Variants in BUB3 observed in about 807,000 individuals in gnomAD.
BUB3 encodes mitotic checkpoint protein BUB3.
Under a neutral mutation model 39.9 loss-of-function variants are expected in BUB3, and 22 were observed. The observed-to-expected ratio is 0.55, with a 90% CI of 0.39 to 0.79. BUB3 has a LOEUF of 0.79. Ranked by LOEUF, BUB3 falls within the 30% of genes least tolerant of loss-of-function variation. BUB3 has a pLI of 0.00. For synonymous variants in BUB3, 168 were observed against 155.1 expected, an observed-to-expected ratio of 1.08 and a Z score of -0.62; for missense variants, 303 against 415.4, an observed-to-expected ratio of 0.73 and a Z score of 2.35.
Position 123,167,314 on chromosome 10 carries a change from G to C in BUB3, c.*3479G>C, listed in dbSNP as rs1844504836. ...TCTTTCAGGATTTAATTTGAATCCTGCAAAGTCCTGTTCAAGGCCCCCTTT... is the reference window on the plus strand; with the variant it reads ...TCTTTCAGGATTTAATTTGAATCCTCCAAAGTCCTGTTCAAGGCCCCCTTT... On this transcript the variant is annotated 3_prime_UTR_variant, in exon 8 of 8. Transcript: ENST00000368865. The C allele has an allele frequency of 6.6e-6, 1 of 152,146 alleles. No individual in the cohort carries two copies. Among genetic ancestry groups the C allele is most frequent in the African/African-American group, 2.4e-5 (1 of 41,438 alleles). The allele number at this position is 152,146 out of a possible 1,614,324, so 9.4% of individuals were successfully genotyped here. A position where few individuals can be genotyped will look rare whatever the true frequency, so the allele number is the denominator to read the frequency against.
Position 123,167,346 on chromosome 10 carries a change from A to G in BUB3, c.*3511A>G, listed in dbSNP as rs1589693228. 6.6e-6 allele frequency: 1 copy of G among 152,158 alleles called. No individual in the cohort carries two copies. Among genetic ancestry groups the G allele is most frequent in the African/African-American group, 2.4e-5 (1 of 41,430 alleles). The allele number at this position is 152,158 out of a possible 1,614,324, so 9.4% of individuals were successfully genotyped here. A position where few individuals can be genotyped will look rare whatever the true frequency, so the allele number is the denominator to read the frequency against. On this transcript the variant is annotated 3_prime_UTR_variant, in exon 8 of 8. Coordinates refer to ENST00000368865, the MANE Select transcript of BUB3 (RefSeq NM_004725.4). The stretch of plus-strand genomic sequence containing the variant: ...CCTGTTCAAGGCCCCCTTTTCCATG[A>G]AGCCCTTCTTCCTTGTTGCAGCTCA...
chr10:123,159,960 TAGA>T (rs1844399528), intron 4 of BUB3, among the ~76,000 whole-genome samples: 1 of 152,188 alleles, frequency 6.6e-6, no homozygotes, highest in Non-Finnish European at 1.5e-5. Context: ...AAGGTGGTTT[TAGA>T]AAAATAGTTT....
chr10:123,164,219 C>T lies in BUB3; in HGVS notation c.*384C>T. On this transcript the variant is annotated 3_prime_UTR_variant, in exon 8 of 8. Transcript: ENST00000368865. ...ATGGTAGAGGAAAAGGCTCGTGAGC[C>T]ATTTGTTTCTTTTGCTGGTTATAGT... 1 of 994,528 alleles carries T rather than the reference C, an allele frequency of 1.0e-6. No individual in the cohort carries two copies. The highest frequency in any genetic ancestry group is 1.7e-5 in the African/African-American group (1 of 57,614). The allele number at this position is 994,528 out of a possible 1,614,324, so 61.6% of individuals were successfully genotyped here.
chr10:123,160,362 C>G (rs750023700), intron 4 of BUB3, 45 bp from the exon 5 acceptor site: 3 of 1,446,060 alleles, frequency 2.1e-6, no homozygotes, highest in Non-Finnish European at 2.7e-6. Flanking sequence ...ATGCCATTTT[C>G]AGGCAAGAAG....
chr10:123,156,581 C>T (rs1254588659), intron 3 of BUB3, among the ~76,000 whole-genome samples: 1 of 152,154 alleles, frequency 6.6e-6, no homozygotes, highest in Non-Finnish European at 1.5e-5. Flanking sequence ...GTAGCTTACC[C>T]TGTGTAATAA....
In BUB3 at chr10:123,168,358, A is replaced by G. The variant is rs1844512936; in HGVS notation, c.*4523A>G. ...GACAAATTTAAAGATGTTATTTGGGATGGTGTGACTTGCACAAGCCACACA... is the reference window on the plus strand; with the variant it reads ...GACAAATTTAAAGATGTTATTTGGGGTGGTGTGACTTGCACAAGCCACACA... On this transcript the variant is annotated 3_prime_UTR_variant, in exon 8 of 8. Transcript: ENST00000368865. 6.6e-6 allele frequency: 1 copy of G among 152,196 alleles called. No individual in the cohort carries two copies. The highest frequency in any genetic ancestry group is 2.4e-5 in the African/African-American group (1 of 41,436). 9.4% of individuals were successfully genotyped at this position (152,196 alleles called of 1,614,324 possible).
Position 123,167,106 on chromosome 10 carries a change from T to A in BUB3, c.*3271T>A, listed in dbSNP as rs1466958664. On this transcript the variant is annotated 3_prime_UTR_variant, in exon 8 of 8. Coordinates refer to ENST00000368865, the MANE Select transcript of BUB3 (RefSeq NM_004725.4). ...TTAACTCAGTTTTCCCCAAATTCAT[T>A]TAAGCCGGTTCTACTTTTTCTGGTC... 2 of 152,216 alleles carry A rather than the reference T, an allele frequency of 1.3e-5. No homozygotes were observed. The highest frequency in any genetic ancestry group is 1.5e-5 in the Non-Finnish European group (1 of 68,042). The allele number at this position is 152,216 out of a possible 1,614,324, so 9.4% of individuals were successfully genotyped here.
At position 123,170,019 on chromosome 10, in the gene BUB3, T is replaced by A. The variant is rs1053670798; in HGVS notation, c.*6184T>A. On this transcript the variant is annotated 3_prime_UTR_variant, in exon 8 of 8. Transcript: ENST00000368865. ...TTGCAGTGAGCTGAAGTTGCACCAC[T>A]GCACTCCAGCCTAGGTGACAGAGTG... is the stretch of plus-strand genomic sequence containing the variant. 6.6e-6 allele frequency: 1 copy of A among 152,230 alleles called. No homozygotes were observed. The highest frequency in any genetic ancestry group is 2.4e-5 in the African/African-American group (1 of 41,450). The allele number at this position is 152,230 out of a possible 1,614,324, so 9.4% of individuals were successfully genotyped here. A position where few individuals can be genotyped will look rare whatever the true frequency, so the allele number is the denominator to read the frequency against.
chr10:123,159,603 C>T (rs1844393871), intron 4 of BUB3, among the ~76,000 whole-genome samples: 1 of 152,060 alleles, frequency 6.6e-6, no homozygotes, highest in Non-Finnish European at 1.5e-5. Context: ...TAAATGTTTG[C>T]TTGTAGGAAA....
Position 123,168,887 on chromosome 10 carries a change from A to G in BUB3, c.*5052A>G, listed in dbSNP as rs1038062724. The G allele has an allele frequency of 2.0e-5, 3 of 151,536 alleles. No homozygotes were observed. The highest frequency in any genetic ancestry group is 7.3e-5 in the African/African-American group (3 of 41,176). The allele number at this position is 151,536 out of a possible 1,614,324, so 9.4% of individuals were successfully genotyped here. ...TTTTTTTAAGCTCATCAGCTATTGT[A>G]TTAGTGTATTTTATGTGTAGCTCAA... On this transcript the variant is annotated 3_prime_UTR_variant, in exon 8 of 8. Coordinates refer to ENST00000368865, the MANE Select transcript of BUB3 (RefSeq NM_004725.4).
chr10:123,154,781 C>G, intron 1 of BUB3, 137 bp from the exon 2 acceptor site: 1 of 939,562 alleles, frequency 1.1e-6, no homozygotes, highest in South Asian at 1.7e-5. Flanking sequence ...GGCGAGTGCT[C>G]GGCGCAGGCG....
chr10:123,164,953 G>C lies in BUB3; in HGVS notation c.*1118G>C. 1 of 1,506,710 alleles carries C rather than the reference G, an allele frequency of 6.6e-7. No homozygotes were observed. 93.3% of individuals were successfully genotyped at this position (1,506,710 alleles called of 1,614,324 possible). A position where few individuals can be genotyped will look rare whatever the true frequency, so the allele number is the denominator to read the frequency against. ...GTGATGTATTTTTTTTAATTCTTTT[G>C]ATACAGAGAAGGGTCTTTTTTTTTT... On this transcript the variant is annotated 3_prime_UTR_variant, in exon 8 of 8. Coordinates refer to ENST00000368865, the MANE Select transcript of BUB3 (RefSeq NM_004725.4).
In BUB3 at chr10:123,155,031, C is replaced by T. The variant is rs771414844; in HGVS notation, c.114C>T (p.Ser38=). Residue 38 remains serine, a synonymous_variant, in exon 2 of 8, where the codon TCC becomes TCT. Transcript: ENST00000368865. ...QFLLVSSWDT[S]VRLYDVPANS... Reference sequence around the variant, plus strand: ...TGCTTGTCTCCTCCTGGGACACGTCCGTGCGTCTCTACGATGTGCCGGCCA... The same window carrying T: ...TGCTTGTCTCCTCCTGGGACACGTCTGTGCGTCTCTACGATGTGCCGGCCA... 1.2e-6 allele frequency: 2 copies of T among 1,614,198 alleles called. No homozygotes were observed. The highest frequency in any genetic ancestry group is 2.2e-5 in the South Asian group (2 of 91,078).
chr10:123,155,498 T>G (rs1844338451), intron 2 of BUB3, among the ~76,000 whole-genome samples, 160 bp from the exon 3 acceptor site: 1 of 152,232 alleles, frequency 6.6e-6, no homozygotes, highest in South Asian at 2.1e-4. Flanking sequence ...AGGAGTTTAG[T>G]GACCACTTGC....
chr10:123,164,755 G>T lies in BUB3; in HGVS notation c.*920G>T. Reference sequence around the variant, plus strand: ...TAAAGTTAAAAAGAAAAAAATTATAGTGAGAATGAGATTCATTTCAATGTA... The same window carrying T: ...TAAAGTTAAAAAGAAAAAAATTATATTGAGAATGAGATTCATTTCAATGTA... On this transcript the variant is annotated 3_prime_UTR_variant, in exon 8 of 8. Coordinates refer to ENST00000368865, the MANE Select transcript of BUB3 (RefSeq NM_004725.4). The T allele has an allele frequency of 8.8e-7, 1 of 1,133,404 alleles. No individual in the cohort carries two copies. Among genetic ancestry groups the T allele is most frequent in the Non-Finnish European group, 1.1e-6 (1 of 925,504 alleles). The allele number at this position is 1,133,404 out of a possible 1,614,324, so 70.2% of individuals were successfully genotyped here.
At position 123,154,906 on chromosome 10, in the gene BUB3, C is replaced by G. The variant is rs902253842; in HGVS notation, c.1-12C>G. 8 of 1,592,732 alleles carry G rather than the reference C, an allele frequency of 5.0e-6. No homozygotes were observed. In the African/African-American group the frequency reaches 1.1e-4, roughly 22 times the overall value. Reference sequence around the variant, plus strand: ...GCGGGACCCCTGGGGACTCTGGGCGCCTGTTCTGCAGATGACCGGTTCTAA... The same window carrying G: ...GCGGGACCCCTGGGGACTCTGGGCGGCTGTTCTGCAGATGACCGGTTCTAA... On this transcript the variant is annotated splice_polypyrimidine_tract_variant and intron_variant, in intron 1 of 7. Coordinates refer to ENST00000368865, the MANE Select transcript of BUB3 (RefSeq NM_004725.4).
Position 123,168,746 on chromosome 10 carries a change from T to C in BUB3, c.*4911T>C, listed in dbSNP as rs1844519965. ...TGTATTTCTTTTAGTAGAGACCGGG[T>C]TTCATCATGTTGGCCAGGTTGGTCT... On this transcript the variant is annotated 3_prime_UTR_variant, in exon 8 of 8. Transcript: ENST00000368865. 1 of 152,054 alleles carries C rather than the reference T, an allele frequency of 6.6e-6. No individual in the cohort carries two copies. Among genetic ancestry groups the C allele is most frequent in the African/African-American group, 2.4e-5 (1 of 41,384 alleles). The allele number at this position is 152,054 out of a possible 1,614,324, so 9.4% of individuals were successfully genotyped here. A position where few individuals can be genotyped will look rare whatever the true frequency, so the allele number is the denominator to read the frequency against.
At position 123,164,445 on chromosome 10, in the gene BUB3, G is replaced by T. The variant is rs1242064365; in HGVS notation, c.*610G>T. ...TAGGGTGCAGAAGGAAAACTAATAA[G>T]AAAACCTCCTAATATCATTTTGTGA... On this transcript the variant is annotated 3_prime_UTR_variant, in exon 8 of 8. Coordinates refer to ENST00000368865, the MANE Select transcript of BUB3 (RefSeq NM_004725.4). 1 of 985,454 alleles carries T rather than the reference G, an allele frequency of 1.0e-6. No individual in the cohort carries two copies. Among genetic ancestry groups the T allele is most frequent in the African/African-American group, 1.7e-5 (1 of 57,220 alleles). 61.0% of individuals were successfully genotyped at this position (985,454 alleles called of 1,614,324 possible).
chr10:123,160,297 C>T, intron 4 of BUB3, 110 bp from the exon 5 acceptor site: 1 of 970,336 alleles, frequency 1.0e-6, no homozygotes, highest in South Asian at 2.2e-5. Context: ...TTGGGGAATT[C>T]AGTCAGCTAA....
Sources: allele counts gnomAD v4.1 joint callset (sites outside exome capture counted in the v4.1 genomes callset), GRCh38; gene constraint gnomAD v4.1.1; transcripts MANE v1.5; gene names NCBI Gene and HGNC (gene_info 2026-07-23, HGNC 2026-07-21).